The following CUL3 variants were observed in gnomAD, a reference collection of about 807,000 sequenced individuals.
The protein encoded by CUL3 is cullin 3.
In CUL3, 19 loss-of-function variants were observed where a neutral mutation model predicts 89.1. The ratio of observed to expected loss-of-function variants is 0.21; its 90% CI spans 0.15 to 0.31. The LOEUF (loss-of-function observed/expected upper bound fraction) is 0.31. CUL3 is among the 10% of genes least tolerant of loss of function. The pLI is 1.00. For missense variants in CUL3, 469 were observed against 942.3 expected (o/e 0.50, Z 6.58); for synonymous variants, 351 against 308.4 (o/e 1.14, Z -1.45).
chr2:224,552,475 T>G (rs545894745), intron 2 of CUL3, among the ~76,000 whole-genome samples: 1 of 152,316 alleles, frequency 6.6e-6, no homozygotes, highest in African/African-American at 2.4e-5. Flanking sequence ...AGTACTTATA[T>G]TTTCTATGCC....
rs750244965 is a variant in CUL3, at chr2:224,485,792, TG to T, written c.1843-3715del. Among the ~76,000 whole-genome samples the T allele has an allele frequency of 2.1e-4, 32 of 152,322 alleles. No individual in the cohort carries two copies. Among genetic ancestry groups the T allele is most frequent in the East Asian group, 1.9e-3 (10 of 5,168 alleles). ...CAGACTGCCTCCTCAAGTGGGTCCG[TG>T]TCCCCCATGCCTCCCTGACAGGAGA... On this transcript the variant is annotated intron_variant, in intron 13 of 15. Transcript: ENST00000264414. This position sits in a 1 kb window ranked among gnomAD's most constrained non-coding sequence, Gnocchi z 4.1.
chr2:224,541,462 A>C (rs901469318), intron 2 of CUL3, among the ~76,000 whole-genome samples: 1 of 152,262 alleles, frequency 6.6e-6, no homozygotes. Flanking sequence ...GATTTGCAAC[A>C]ACTAGAACTA....
intron 11 of CUL3, chr2:224,499,876 A>G (rs1321297532): frequency 6.0e-6 from 1 of 165,516 alleles, no homozygotes; most frequent in Non-Finnish European, 1.3e-5. Context: ...CCCAAAAAAA[A>G]TATTTGCTTG....
At chr2:224,561,153 T>C (rs537675731) in intron 1 of CUL3, among the ~76,000 whole-genome samples, 2 of 152,292 alleles carry the variant, frequency 1.3e-5, no homozygotes, top group South Asian at 2.1e-4. Context: ...TACAACCAAA[T>C]GTCAGCTTCA....
At position 224,470,746 on chromosome 2, in the gene CUL3, AAAT is replaced by A. The variant is rs1691101493; in HGVS notation, c.*3496_*3498del. The stretch of plus-strand genomic sequence containing the variant: ...CTTCCTACCAAAAGTTGGTATCAGC[AAAT>A]AATGTAAAGCTAACAAAAATGTGCA... On this transcript the variant is annotated 3_prime_UTR_variant, in exon 16 of 16. Coordinates refer to ENST00000264414, the MANE Select transcript of CUL3 (RefSeq NM_003590.5). 1 of 231,878 alleles carries A rather than the reference AAAT, an allele frequency of 4.3e-6. No individual in the cohort carries two copies. The highest frequency in any genetic ancestry group is 5.6e-5 in the Admixed American group (1 of 17,758). The allele number at this position is 231,878 out of a possible 1,614,324, so 14.4% of individuals were successfully genotyped here.
In CUL3 at chr2:224,497,934, ATT is replaced by A. The variant is rs1491486165; in HGVS notation, c.1611-87_1611-86del. The A allele has an allele frequency of 8.8e-6, 9 of 1,022,692 alleles. No homozygotes were observed. In the African/African-American group the frequency reaches 1.3e-4, roughly 15 times the overall value. The allele number at this position is 1,022,692 out of a possible 1,614,324, so 63.4% of individuals were successfully genotyped here. A position where few individuals can be genotyped will look rare whatever the true frequency, so the allele number is the denominator to read the frequency against. On this transcript the variant is annotated intron_variant, in intron 11 of 15. Transcript: ENST00000264414. Reference sequence around the variant, plus strand: ...AACTACAGGATAACATCCCTTAAACATTTGTGTGTGTGTGTGTGTGTGTATGG... The same window carrying A: ...AACTACAGGATAACATCCCTTAAACATGTGTGTGTGTGTGTGTGTGTATGG...
chr2:224,578,809 G>A (rs373571530), intron 1 of CUL3, among the ~76,000 whole-genome samples: 2 of 151,904 alleles, frequency 1.3e-5, no homozygotes, highest in East Asian at 3.8e-4. Flanking sequence ...ATGTACTCTG[G>A]AATGAAAATA....
chr2:224,488,747 C>T (rs187412759), intron 13 of CUL3, among the ~76,000 whole-genome samples: 2 of 152,300 alleles, frequency 1.3e-5, no homozygotes, highest in East Asian at 3.9e-4. Context: ...AGGGACTTCA[C>T]CTTAACTCAT....
intron 3 of CUL3, among the ~76,000 whole-genome samples, chr2:224,530,987 C>T (rs1693677318): frequency 6.6e-6 from 1 of 151,462 alleles, no homozygotes; most frequent in Admixed American, 6.6e-5. Flanking sequence ...GAACACTACA[C>T]ATAAAAAGGC....
At chr2:224,576,515 T>C (rs573582849) in intron 1 of CUL3, among the ~76,000 whole-genome samples, 2 of 152,332 alleles carry the variant, frequency 1.3e-5, no homozygotes, top group Admixed American at 6.5e-5. Context: ...TCATTTGCGC[T>C]GACTCACTGA....
At chr2:224,522,524 TTAGCCAC>T (rs1168871601) in intron 3 of CUL3, among the ~76,000 whole-genome samples, 1 of 152,192 alleles carries the variant, frequency 6.6e-6, no homozygotes, top group Admixed American at 6.5e-5. Flanking sequence ...CCTGGTGGAC[TTAGCCAC>T]TACTAAAAAG....
At chr2:224,581,815 G>A (rs548906625) in intron 1 of CUL3, among the ~76,000 whole-genome samples, 87 of 151,936 alleles carry the variant, frequency 5.7e-4, no homozygotes, top group Non-Finnish European at 1.0e-3. Flanking sequence ...CACCTTGCCC[G>A]GCCGAGTGCT....
chr2:224,577,338 G>A (rs1039583857), intron 1 of CUL3, among the ~76,000 whole-genome samples: 1 of 152,190 alleles, frequency 6.6e-6, no homozygotes. Context: ...GGAGGATGAG[G>A]CAGACGGATC....
chr2:224,472,178 C>T lies in CUL3; in HGVS notation c.*2067G>A, dbSNP rs1212433273. 1.3e-5 allele frequency: 3 copies of T among 225,804 alleles called. No individual in the cohort carries two copies. The highest frequency in any genetic ancestry group is 8.8e-6 in the Non-Finnish European group (1 of 113,606). The allele number at this position is 225,804 out of a possible 1,614,324, so 14.0% of individuals were successfully genotyped here. ...GTATTTAGAAGCATAAATATCAAAC[C>T]TGTGCTCCAAAGTTAACAAGTATGT... On this transcript the variant is annotated 3_prime_UTR_variant, in exon 16 of 16. Transcript: ENST00000264414.
At chr2:224,508,301 A>G (rs1336494748) in intron 6 of CUL3, among the ~76,000 whole-genome samples, 2 of 152,198 alleles carry the variant, frequency 1.3e-5, no homozygotes, top group Non-Finnish European at 1.5e-5. Flanking sequence ...GTTAGTTTCC[A>G]TTAATAATAT....
intron 3 of CUL3, among the ~76,000 whole-genome samples, chr2:224,517,868 T>A (rs1693123327): frequency 6.6e-6 from 1 of 152,194 alleles, no homozygotes; most frequent in South Asian, 2.1e-4. Flanking sequence ...TATGTAGCCA[T>A]TTGCTTTTAT....
Position 224,503,723 on chromosome 2 carries a change from A to C in CUL3, c.1306T>G (p.Leu436Val). The C allele has an allele frequency of 6.2e-7, 1 of 1,608,204 alleles. No individual in the cohort carries two copies. Among genetic ancestry groups the C allele is most frequent in the Non-Finnish European group, 8.5e-7 (1 of 1,178,488 alleles). ...TTATTTGTGAGAAGTCTCCTTGCCA[A>C]GTGTTGTTTATAATAACGTTCAAAT... ...DVFERYYKQH[L>V]ARRLLTNKSV... The change falls in exon 9 of 16, where the codon TTG becomes GTG. Residue 436 changes from leucine (L) to valine (V), a missense_variant. Physicochemically the swap from Leu to Val is conservative, Grantham distance 32 (BLOSUM62 1). Around this residue, in one of 4 missense-constraint regions of CUL3, gnomAD observed 370 missense variants for 733.2 expected, o/e 0.50. Coordinates refer to ENST00000264414, the MANE Select transcript of CUL3 (RefSeq NM_003590.5).
intron 6 of CUL3, among the ~76,000 whole-genome samples, chr2:224,507,433 C>T (rs1692642900): frequency 1.3e-5 from 2 of 151,990 alleles, no homozygotes; most frequent in African/African-American, 4.8e-5. Flanking sequence ...ATTGGTAGTC[C>T]CTGTAATGAG....
rs1375830477 is a variant in CUL3 at position 224,499,467 on chromosome 2, G to C, written c.1610+896C>G. ...TGTCCTCCTGGCAATATCAAATACA[G>C]TTTCTTCCCAGTTGTTTTTTCAGAT... On this transcript the variant is annotated intron_variant, in intron 11 of 15. Coordinates refer to ENST00000264414, the MANE Select transcript of CUL3 (RefSeq NM_003590.5). 1.7e-5 allele frequency: 4 copies of C among 239,998 alleles called. No homozygotes were observed. In the South Asian group the frequency reaches 3.1e-4, roughly 19 times the overall value. The allele number at this position is 239,998 out of a possible 1,614,324, so 14.9% of individuals were successfully genotyped here. A position where few individuals can be genotyped will look rare whatever the true frequency, so the allele number is the denominator to read the frequency against.
Sources: allele counts gnomAD v4.1 joint callset (sites outside exome capture counted in the v4.1 genomes callset), GRCh38; gene constraint gnomAD v4.1.1; regional missense constraint gnomAD v4.1.1; non-coding constraint Gnocchi (gnomAD v3.1); transcripts MANE v1.5; gene names NCBI Gene and HGNC (gene_info 2026-07-23, HGNC 2026-07-21).